KIAA1549L: variants seen among roughly 807,000 people sequenced by gnomAD.
The protein encoded by KIAA1549L is KIAA1549 like.
KIAA1549L carries 88 observed loss-of-function variants against 160.7 expected under a neutral mutation model. The observed-to-expected ratio is 0.55, with a 90% confidence interval of 0.46 to 0.65. The LOEUF (loss-of-function observed/expected upper bound fraction) is 0.65, where lower values mean the gene tolerates loss of function less well. KIAA1549L is among the 30% of genes least tolerant of loss of function. KIAA1549L has a pLI of 0.00. For missense variants in KIAA1549L, 2,258 were observed against 2,437.5 expected (o/e 0.93, Z 1.55); for synonymous variants, 950 against 976.7 (o/e 0.97, Z 0.51).
chr11:33,650,761 C>T (rs186825822), intron 17 of KIAA1549L, among the ~76,000 whole-genome samples: 1 of 152,342 alleles, frequency 6.6e-6, no homozygotes, highest in Non-Finnish European at 1.5e-5. Context: ...CACGCACCTG[C>T]CCCTCTCCGG....
rs35251793 is a variant in KIAA1549L, at chr11:33,446,096, C to CTT, written c.238+69222_238+69223dup. On this transcript the variant is annotated intron_variant, in intron 1 of 20. Coordinates refer to ENST00000658780, the MANE Select transcript of KIAA1549L (RefSeq NM_012194.3). ...TGGACATGGAGGGCAAAAGTCCTGT[C>CTT]TTTTTTTTTTTTTTTTGAGACAGAG... 7.1e-4 allele frequency among the ~76,000 whole-genome samples: 98 copies of CTT among 138,170 alleles called. 1 individual carries two copies. The highest frequency in any genetic ancestry group is 1.2e-3 in the South Asian group (5 of 4,288). The allele number at this position is 138,170 out of a possible 152,430, so 90.6% of individuals were successfully genotyped here.
intron 1 of KIAA1549L, among the ~76,000 whole-genome samples, chr11:33,407,088 T>TC (rs1850674884): frequency 1.4e-5 from 2 of 140,160 alleles, no homozygotes; most frequent in Non-Finnish European, 3.1e-5. Context: ...TTCATTTTTT[T>TC]TTTTTTTTTT....
At chr11:33,568,969 A>G (rs1330117850) in intron 9 of KIAA1549L, among the ~76,000 whole-genome samples, 1 of 152,166 alleles carries the variant, frequency 6.6e-6, no homozygotes, top group Non-Finnish European at 1.5e-5. Context: ...GTTTTAGATC[A>G]TTTTCAGAGC....
At chr11:33,461,118 G>T (rs896019993) in intron 1 of KIAA1549L, among the ~76,000 whole-genome samples, 3 of 151,994 alleles carry the variant, frequency 2.0e-5, no homozygotes, top group African/African-American at 4.8e-5. Flanking sequence ...AAGAATAACC[G>T]GTTCTACTTT....
chr11:33,616,689 G>C (rs565840479), intron 15 of KIAA1549L, among the ~76,000 whole-genome samples: 48 of 152,240 alleles, frequency 3.2e-4, no homozygotes, highest in African/African-American at 1.0e-3. Flanking sequence ...GACTATGTAT[G>C]ATTGTAATTC....
At chr11:33,394,017 G>T (rs568543597) in intron 1 of KIAA1549L, among the ~76,000 whole-genome samples, 2 of 152,250 alleles carry the variant, frequency 1.3e-5, no homozygotes, top group South Asian at 4.2e-4. Flanking sequence ...ACTAGCGGTG[G>T]GATGGAGTAC....
At chr11:33,606,541 A>T in intron 13 of KIAA1549L, 100 bp from the exon 14 acceptor site, 2 of 1,175,812 alleles carry the variant, frequency 1.7e-6, no homozygotes, top group Non-Finnish European at 2.4e-6. Flanking sequence ...GGTTGTTTTG[A>T]GTAAAGTAAT....
chr11:33,577,541 A>C (rs964206111), intron 10 of KIAA1549L, among the ~76,000 whole-genome samples: 7 of 152,266 alleles, frequency 4.6e-5, no homozygotes, highest in African/African-American at 1.4e-4. Context: ...GGTCCTTTCT[A>C]ATGAGGAGAA....
intron 1 of KIAA1549L, among the ~76,000 whole-genome samples, chr11:33,532,534 T>C (rs976945675): frequency 9.9e-5 from 15 of 152,220 alleles, no homozygotes; most frequent in Middle Eastern, 3.2e-3. Context: ...ATTTTACAGA[T>C]AAGGAAACTG....
intron 1 of KIAA1549L, among the ~76,000 whole-genome samples, chr11:33,402,908 AC>A (rs1228348062): frequency 1.3e-5 from 2 of 151,984 alleles, no homozygotes; most frequent in African/African-American, 4.8e-5. Flanking sequence ...TAGTCCTTGT[AC>A]CCTGCACCCA....
rs117121298 is a variant in KIAA1549L, at chr11:33,377,774, T to A, written c.238+885T>A. 5.7e-4 allele frequency among the ~76,000 whole-genome samples: 87 copies of A among 152,346 alleles called. 1 individual carries two copies. The East Asian group carries it at 0.016, about 28-fold the overall frequency. On this transcript the variant is annotated intron_variant, in intron 1 of 20. Coordinates refer to ENST00000658780, the MANE Select transcript of KIAA1549L (RefSeq NM_012194.3). ...CATTTTTTAGCAAGGACTAATGACT[T>A]CTTCTTTCTCAGAGTACCCCCTCCC...
At chr11:33,511,923 A>G (rs911540985) in intron 1 of KIAA1549L, among the ~76,000 whole-genome samples, 1 of 152,240 alleles carries the variant, frequency 6.6e-6, no homozygotes, top group African/African-American at 2.4e-5. Context: ...TCTGCCTAGC[A>G]CATTATGAGT....
At chr11:33,390,717 C>T (rs962632704) in intron 1 of KIAA1549L, among the ~76,000 whole-genome samples, 9 of 152,186 alleles carry the variant, frequency 5.9e-5, no homozygotes, top group Admixed American at 2.6e-4. Flanking sequence ...TCTCCTCCTT[C>T]GTAGCAGTAA....
intron 1 of KIAA1549L, among the ~76,000 whole-genome samples, chr11:33,417,547 A>G (rs1311885701): frequency 2.0e-5 from 3 of 152,128 alleles, no homozygotes; most frequent in African/African-American, 7.2e-5. Flanking sequence ...CTTTTATTCC[A>G]TCCACTGTCT....
At chr11:33,579,291 C>T (rs1327420160) in intron 10 of KIAA1549L, among the ~76,000 whole-genome samples, 2 of 151,914 alleles carry the variant, frequency 1.3e-5, no homozygotes, top group Non-Finnish European at 2.9e-5. Flanking sequence ...AGCTGAATCT[C>T]TCCGTCGGTA....
intron 1 of KIAA1549L, among the ~76,000 whole-genome samples, chr11:33,459,758 G>A (rs1177920023): frequency 2.0e-5 from 3 of 151,158 alleles, no homozygotes; most frequent in Non-Finnish European, 4.4e-5. Flanking sequence ...TCAGGAGATC[G>A]AGACCATCCC....
intron 1 of KIAA1549L, among the ~76,000 whole-genome samples, chr11:33,411,197 A>G (rs745379897): frequency 7.9e-5 from 12 of 152,220 alleles, no homozygotes; most frequent in Non-Finnish European, 1.5e-4. Context: ...GGTGTTTTTC[A>G]TAAGCCGAAT....
intron 1 of KIAA1549L, among the ~76,000 whole-genome samples, chr11:33,420,772 C>T (rs1352196016): frequency 6.6e-6 from 1 of 152,142 alleles, no homozygotes; most frequent in Non-Finnish European, 1.5e-5. Flanking sequence ...CGTTTCATAA[C>T]CACGAAATAT....
intron 1 of KIAA1549L, among the ~76,000 whole-genome samples, chr11:33,469,568 C>T (rs531148393): frequency 3.3e-5 from 5 of 152,234 alleles, no homozygotes; most frequent in African/African-American, 1.2e-4. Flanking sequence ...CATATGATAA[C>T]TATGTTGAAT....
Sources: allele counts gnomAD v4.1 joint callset (sites outside exome capture counted in the v4.1 genomes callset), GRCh38; gene constraint gnomAD v4.1.1; transcripts MANE v1.5; gene names NCBI Gene and HGNC (gene_info 2026-07-23, HGNC 2026-07-21).